The following DDX11 variants were observed in gnomAD, a reference collection of about 807,000 sequenced individuals.
DDX11 encodes the protein ATP-dependent DNA helicase DDX11.
In DDX11, 72 loss-of-function variants were observed where a neutral mutation model predicts 125.2. The ratio of observed to expected loss-of-function variants is 0.58; its 90% CI spans 0.48 to 0.70. DDX11 has a LOEUF of 0.70. DDX11 is among the 30% of genes least tolerant of loss of function. The pLI is 0.00. For synonymous variants in DDX11, 347 were observed against 452.6 expected (o/e 0.77, Z 2.96); for missense variants, 883 against 1,165.0 (o/e 0.76, Z 3.52).
chr12:31,098,116 G>A (rs1309680572), intron 18 of DDX11, 119 bp downstream of exon 18: 26 of 666,152 alleles, frequency 3.9e-5, no homozygotes, highest in African/African-American at 2.2e-4. Flanking sequence ...GGGTCAGCTC[G>A]AGCAGGCCCA....
At chr12:31,098,047 G>A (rs769629823) in intron 18 of DDX11, 50 bp downstream of exon 18, 6 of 1,508,894 alleles carry the variant, frequency 4.0e-6, no homozygotes, top group African/African-American at 1.4e-5. Context: ...GGGATGAGAT[G>A]GGGGCTTGGG....
At chr12:31,090,518 C>G (rs1339404165) in intron 9 of DDX11, among the ~76,000 whole-genome samples, 2 of 151,740 alleles carry the variant, frequency 1.3e-5, no homozygotes, top group Non-Finnish European at 2.9e-5. Flanking sequence ...AATATCAGTA[C>G]TCTTAACTGG....
Position 31,096,957 on chromosome 12 carries a change from A to G in DDX11, c.1729A>G (p.Asn577Asp), listed in dbSNP as rs1945357490. 2 of 1,614,010 alleles carry G rather than the reference A, an allele frequency of 1.2e-6. No homozygotes were observed. The highest frequency in any genetic ancestry group is 1.7e-6 in the Non-Finnish European group (2 of 1,179,988). Reference sequence around the variant, plus strand: ...CTTCCTGGCAGCTCTCACTACGGCCAACCAGGACGGCAGGGTCATCCTGAG... The same window carrying G: ...CTTCCTGGCAGCTCTCACTACGGCCGACCAGGACGGCAGGGTCATCCTGAG... ...QGFLAALTTA[N>D]QDGRVILSRQ... The change falls in exon 17 of 27, where the codon AAC (asparagine) becomes GAC (aspartate). Residue 577 changes from asparagine (N) to aspartate (D), a missense_variant. By Grantham distance (23) the Asn-to-Asp change is conservative (BLOSUM62 1). Coordinates refer to ENST00000542838, the MANE Select transcript of DDX11 (RefSeq NM_030653.4).
chr12:31,093,373 G>A, intron 12 of DDX11, 49 bp downstream of exon 12: 1 of 1,611,606 alleles, frequency 6.2e-7, no homozygotes, highest in South Asian at 1.1e-5. Flanking sequence ...AACTCGCTGG[G>A]CTGCTTTTTC....
chr12:31,103,547 C>G (rs1237119090), intron 25 of DDX11, 30 bp from the exon 26 acceptor site: 2 of 1,613,656 alleles, frequency 1.2e-6, no homozygotes, highest in South Asian at 1.1e-5. Context: ...GCAGGTGTTG[C>G]TCGGAGCCCC....
At chr12:31,088,437 G>A (rs1238175725) in intron 6 of DDX11, among the ~76,000 whole-genome samples, 1 of 152,162 alleles carries the variant, frequency 6.6e-6, no homozygotes, top group Non-Finnish European at 1.5e-5. Flanking sequence ...TGAGTCCCCT[G>A]CCCTTTGGGT....
chr12:31,096,608 T>C (rs73290434), intron 15 of DDX11, 29 bp from the exon 16 acceptor site: 55,249 of 1,611,476 alleles, frequency 0.034, 1,679 homozygotes, highest in East Asian at 0.15. Context: ...ACCTCGTTCC[T>C]CTCCACTGCT....
rs968524900 is a variant in DDX11 at position 31,094,963 on chromosome 12, G to A, written c.1482+141G>A. On this transcript the variant is annotated intron_variant, in intron 14 of 26. Transcript: ENST00000542838. ...ACTTAACCCTTAACGCAACATGCCT[G>A]TGAGACAAAAGTCATCTTCTTTTAG... is the stretch of plus-strand genomic sequence containing the variant. The A allele has an allele frequency of 1.4e-5, 13 of 922,776 alleles. No homozygotes were observed. The South Asian group carries it at 1.7e-4, about 12-fold the overall frequency. The allele number at this position is 922,776 out of a possible 1,614,324, so 57.2% of individuals were successfully genotyped here. A position where few individuals can be genotyped will look rare whatever the true frequency, so the allele number is the denominator to read the frequency against.
intron 11 of DDX11, 29 bp from the exon 12 acceptor site, chr12:31,093,216 C>G: frequency 6.2e-7 from 1 of 1,601,572 alleles, no homozygotes; most frequent in Non-Finnish European, 8.5e-7. Flanking sequence ...CAGGGCACCA[C>G]CACTTAATGT....
intron 20 of DDX11, 25 bp downstream of exon 20, chr12:31,101,155 C>T (rs372890818): frequency 5.7e-5 from 91 of 1,602,200 alleles, no homozygotes; most frequent in Non-Finnish European, 7.4e-5. Context: ...GCTCGCCGCA[C>T]CACAGCCTGG....
rs1356088585 is a variant in DDX11, at chr12:31,085,088, C to T, written c.600C>T (p.Ala200=). 2.5e-6 allele frequency: 4 copies of T among 1,589,270 alleles called. No homozygotes were observed. The highest frequency in any genetic ancestry group is 3.4e-6 in the Non-Finnish European group (4 of 1,167,190). ...CTGGGGAGGAGGAGCTGGTCCTCGC[C>T]GAATACGAGAGTGATGAGGAGAAAA... ...LESGEEELVL[A]EYESDEEKKV... The change falls in exon 5 of 27, where the codon GCC becomes GCT. Residue 200 remains alanine (A), a synonymous_variant. Transcript: ENST00000542838.
At position 31,096,746 on chromosome 12, in the gene DDX11, G is replaced by A. The variant is rs763362966; in HGVS notation, c.1630+1G>A. 4 of 1,614,212 alleles carry A rather than the reference G, an allele frequency of 2.5e-6. No individual in the cohort carries two copies. Among genetic ancestry groups the A allele is most frequent in the Middle Eastern group, 1.6e-4 (1 of 6,062 alleles). On this transcript the variant is annotated splice_donor_variant, in intron 16 of 26. Transcript: ENST00000542838. LOFTEE classifies it high-confidence loss of function. ...AGCCTGCAGCCCAGGACGACTGAAGGTGAGGCAGGAGGGTGGGCAGGCAGA... is the reference window on the plus strand; with the variant it reads ...AGCCTGCAGCCCAGGACGACTGAAGATGAGGCAGGAGGGTGGGCAGGCAGA...
chr12:31,084,165 T>C, intron 3 of DDX11, 104 bp downstream of exon 3: 1 of 1,481,742 alleles, frequency 6.7e-7, no homozygotes, highest in Non-Finnish European at 9.4e-7. Context: ...TCCCCTGCCG[T>C]TGCCGTGCCT....
chr12:31,103,965 C>G lies in DDX11; in HGVS notation c.*129C>G. The G allele has an allele frequency of 6.3e-7, 1 of 1,590,762 alleles. No individual in the cohort carries two copies. The highest frequency in any genetic ancestry group is 8.5e-7 in the Non-Finnish European group (1 of 1,169,638). ...GAAACCCAGGAGGAGAGTGTGGAGT[C>G]CAGAGTGCTGCCAGGACCCAGGCAC... On this transcript the variant is annotated 3_prime_UTR_variant, in exon 27 of 27. Coordinates refer to ENST00000542838, the MANE Select transcript of DDX11 (RefSeq NM_030653.4).
Position 31,091,759 on chromosome 12 carries a change from C to T in DDX11, c.1130C>T (p.Thr377Ile), listed in dbSNP as rs754864339. Residue 377 changes from threonine to isoleucine, a missense_variant, in exon 10 of 27, where the codon ACT becomes ATT. Thr to Ile is a moderately conservative substitution (Grantham distance 89). Coordinates refer to ENST00000542838, the MANE Select transcript of DDX11 (RefSeq NM_030653.4). Reference sequence around the variant, plus strand: ...TATCAGATGCTGCTGCATGCGGCCACTCGGCAGGCCGCGGGCATCCGGCTG... The same window carrying T: ...TATCAGATGCTGCTGCATGCGGCCATTCGGCAGGCCGCGGGCATCCGGCTG... ...LPYQMLLHAA[T>I]RQAAGIRLQD... 5.0e-6 allele frequency: 8 copies of T among 1,613,580 alleles called. No homozygotes were observed. The Admixed American group carries it at 5.0e-5, about 10-fold the overall frequency.
At chr12:31,099,900 C>T (rs1238555715) in intron 18 of DDX11, among the ~76,000 whole-genome samples, 1 of 152,080 alleles carries the variant, frequency 6.6e-6, no homozygotes, top group Non-Finnish European at 1.5e-5. Flanking sequence ...TTCTTTTTCC[C>T]CTAAATAAGC....
At chr12:31,090,576 C>T (rs1050955050) in intron 9 of DDX11, among the ~76,000 whole-genome samples, 7 of 152,158 alleles carry the variant, frequency 4.6e-5, no homozygotes, top group African/African-American at 1.7e-4. Flanking sequence ...AGAATACTGT[C>T]TTCTCTGCCT....
In DDX11 at chr12:31,089,406, C is replaced by T. The variant is rs1220024666; in HGVS notation, c.796C>T (p.Leu266Phe). The change falls in exon 8 of 27, where the codon CTT (leucine) becomes TTT (phenylalanine). Residue 266 changes from leucine to phenylalanine, a missense_variant. Coordinates refer to ENST00000542838, the MANE Select transcript of DDX11 (RefSeq NM_030653.4). The part of the protein sequence containing the change: ...RLVSLGSRQN[L>F]CVNEDVKSLG... ...CTTTCTTTCTCCTTTGCTGCAGAAC[C>T]TTTGTGTAAATGAAGACGTGAAAAG... The T allele has an allele frequency of 1.9e-6, 3 of 1,613,818 alleles. No individual in the cohort carries two copies. Among genetic ancestry groups the T allele is most frequent in the South Asian group, 1.1e-5 (1 of 91,080 alleles).
rs1946916826 is a variant in DDX11, at chr12:31,104,521, C to A, written c.*685C>A. On this transcript the variant is annotated 3_prime_UTR_variant, in exon 27 of 27. Coordinates refer to ENST00000542838, the MANE Select transcript of DDX11 (RefSeq NM_030653.4). ...TTCTACCCCAACACCAGCAATTATG[C>A]CAAGGGCCGTTAGGCTCTCAACATG... is the stretch of plus-strand genomic sequence containing the variant. The A allele has an allele frequency of 5.7e-6, 1 of 175,158 alleles. No homozygotes were observed. Among genetic ancestry groups the A allele is most frequent in the Non-Finnish European group, 1.2e-5 (1 of 80,748 alleles). 10.9% of individuals were successfully genotyped at this position (175,158 alleles called of 1,614,324 possible).
Sources: gnomAD v4.1 joint callset for allele counts (sites outside exome capture counted in the v4.1 genomes callset) on GRCh38, gnomAD v4.1.1 for gene constraint, MANE v1.5 for transcripts, NCBI Gene and HGNC (gene_info 2026-07-23, HGNC 2026-07-21) for gene names.